Variants in PCDHGA7 observed in about 807,000 individuals in gnomAD.
PCDHGA7 encodes the protein protocadherin gamma subfamily A, 7, also known as protocadherin gamma-A7.
PCDHGA7 carries 44 observed loss-of-function variants against 58.3 expected under a neutral mutation model. That is an observed-to-expected ratio of 0.75 (90% CI 0.59 to 0.97). PCDHGA7 has a LOEUF of 0.97. Among genes scored for constraint, PCDHGA7 ranks in the 50% least tolerant of loss-of-function variants. The probability of loss-of-function intolerance (pLI) is 0.00; values close to 1 mark genes in which losing one functional copy is unlikely to be tolerated. For missense variants in PCDHGA7, 1,266 were observed against 1,188.7 expected (o/e 1.06, Z -0.96); for synonymous variants, 516 against 504.2 (o/e 1.02, Z -0.31).
chr5:141,385,137 G>A lies in PCDHGA7; in HGVS notation c.2238G>A (p.Val746=). The change falls in exon 1 of 4, where the codon GTG becomes GTA. Residue 746 remains valine (V), a synonymous_variant. Coordinates refer to ENST00000518325, the MANE Select transcript of PCDHGA7 (RefSeq NM_018920.4). ...CGCACTTTGTGGGCATGGACGGGGT[G>A]CAGGCTTTCCTGCAGACCTATTCCC... ...PTSHFVGMDG[V]QAFLQTYSHE... The A allele has an allele frequency of 6.2e-7, 1 of 1,614,232 alleles. No homozygotes were observed. Among genetic ancestry groups the A allele is most frequent in the Non-Finnish European group, 8.5e-7 (1 of 1,180,058 alleles).
intron 1 of PCDHGA7, chr5:141,423,222 G>A (rs760308436): frequency 1.2e-6 from 2 of 1,613,688 alleles, no homozygotes; most frequent in Non-Finnish European, 1.7e-6. Context: ...CCGTGGCTGT[G>A]GCCGACAGCA....
At chr5:141,496,844 T>G (rs1275272674) in intron 2 of PCDHGA7, among the ~76,000 whole-genome samples, 2 of 150,852 alleles carry the variant, frequency 1.3e-5, no homozygotes, top group Non-Finnish European at 2.9e-5. Context: ...CTCATAGGCT[T>G]CCAGACCAGC....
At position 141,431,303 on chromosome 5, in the gene PCDHGA7, G is replaced by T. The variant is rs777784010; in HGVS notation, c.2424+45980G>T. The T allele has an allele frequency of 1.2e-6, 2 of 1,614,060 alleles. No homozygotes were observed. Among genetic ancestry groups the T allele is most frequent in the Non-Finnish European group, 1.7e-6 (2 of 1,180,038 alleles). On this transcript the variant is annotated intron_variant, in intron 1 of 3. Coordinates refer to ENST00000518325, the MANE Select transcript of PCDHGA7 (RefSeq NM_018920.4). The surrounding 1 kb of genome is among the most constrained non-coding windows in gnomAD (Gnocchi z 4.8). ...CCCGAACACTCACTTCTCCCTCATC[G>T]TGCAAAATGGAGCCGACGGTAGTAA...
chr5:141,477,224 G>C lies in PCDHGA7; in HGVS notation c.2425-17583G>C. 6.2e-7 allele frequency: 1 copy of C among 1,614,200 alleles called. No individual in the cohort carries two copies. The highest frequency in any genetic ancestry group is 8.5e-7 in the Non-Finnish European group (1 of 1,180,046). Reference sequence around the variant, plus strand: ...ACCCGAGGATGCCCCTCTGGGGACTGTCATCGCTTTGCTCAGTGTGACTGA... The same window carrying C: ...ACCCGAGGATGCCCCTCTGGGGACTCTCATCGCTTTGCTCAGTGTGACTGA... On this transcript the variant is annotated intron_variant, in intron 1 of 3. Transcript: ENST00000518325. The surrounding 1 kb of genome is among the most constrained non-coding windows in gnomAD (Gnocchi z 4.9).
intron 1 of PCDHGA7, chr5:141,394,966 GC>G (rs1294759609): frequency 1.2e-6 from 2 of 1,613,886 alleles, no homozygotes; most frequent in Non-Finnish European, 1.7e-6. Context: ...AGGCTGAGGC[GC>G]TGGCACAAGT....
At chr5:141,452,792 A>AT (rs745523252) in intron 1 of PCDHGA7, among the ~76,000 whole-genome samples, 15 of 152,178 alleles carry the variant, frequency 9.9e-5, no homozygotes, top group Admixed American at 2.0e-4. Context: ...ACATACCATC[A>AT]TTTTTGCTGT....
chr5:141,432,650 G>T lies in PCDHGA7; in HGVS notation c.2424+47327G>T. 6.2e-7 allele frequency: 1 copy of T among 1,613,868 alleles called. No individual in the cohort carries two copies. The highest frequency in any genetic ancestry group is 1.1e-5 in the South Asian group (1 of 91,064). On this transcript the variant is annotated intron_variant, in intron 1 of 3. Transcript: ENST00000518325. The surrounding 1 kb of genome is among the most constrained non-coding windows in gnomAD (Gnocchi z 6.0). The stretch of plus-strand genomic sequence containing the variant: ...CACGGGCGAGGTGCGCACGGCGCGA[G>T]CCCTGCTGGACAGAGACGCGCTCAA...
At chr5:141,388,465 T>C in intron 1 of PCDHGA7, 2 of 1,613,816 alleles carry the variant, frequency 1.2e-6, no homozygotes, top group Non-Finnish European at 1.7e-6. Flanking sequence ...TACCCTGAGA[T>C]GGTATTGAAG....
chr5:141,503,812 G>C (rs2099831825), intron 2 of PCDHGA7, among the ~76,000 whole-genome samples: 1 of 152,114 alleles, frequency 6.6e-6, no homozygotes, highest in South Asian at 2.1e-4. Context: ...GGGAATCCCA[G>C]ATTGGGCAAA....
In PCDHGA7 at chr5:141,491,169, G is replaced by A. The variant is rs374498014; in HGVS notation, c.2425-3638G>A. The A allele has an allele frequency of 1.2e-6, 2 of 1,614,192 alleles. No homozygotes were observed. Among genetic ancestry groups the A allele is most frequent in the African/African-American group, 1.3e-5 (1 of 75,058 alleles). On this transcript the variant is annotated intron_variant, in intron 1 of 3. Transcript: ENST00000518325. The surrounding 1 kb of genome is among the most constrained non-coding windows in gnomAD (Gnocchi z 6.9). ...TGGAGGATGACTCTGACACCCAGCA[G>A]GTGGTGGTCCTGGTGAGGGACAATG...
At chr5:141,482,089 CAA>C (rs36035257) in intron 1 of PCDHGA7, among the ~76,000 whole-genome samples, 9,071 of 134,384 alleles carry the variant, frequency 0.068, 318 homozygotes, top group South Asian at 0.13. Context: ...CACTCCATCT[CAA>C]AAAAAAAAAA....
At chr5:141,482,755 T>TGAAGTGGGAG (rs1554165462) in intron 1 of PCDHGA7, among the ~76,000 whole-genome samples, 1 of 143,580 alleles carries the variant, frequency 7.0e-6, no homozygotes, top group South Asian at 2.1e-4. Context: ...GGGATTATGG[T>TGAAGTGGGAG]ATTTCATTAT....
Position 141,485,741 on chromosome 5 carries a change from C to A in PCDHGA7, c.2425-9066C>A. 6.2e-7 allele frequency: 1 copy of A among 1,614,180 alleles called. No homozygotes were observed. Among genetic ancestry groups the A allele is most frequent in the Non-Finnish European group, 8.5e-7 (1 of 1,179,992 alleles). On this transcript the variant is annotated intron_variant, in intron 1 of 3. Coordinates refer to ENST00000518325, the MANE Select transcript of PCDHGA7 (RefSeq NM_018920.4). This position sits in a 1 kb window ranked among gnomAD's most constrained non-coding sequence, Gnocchi z 5.7. ...TGTGAAGAAGCGCAGCGACGGCAGC[C>A]TGGTCCCAGAGCTGCTCCTGGAGAA...
At position 141,385,286 on chromosome 5, in the gene PCDHGA7, A is replaced by G; in HGVS notation, c.2387A>G (p.Asp796Gly). The change falls in exon 1 of 4, where the codon GAT becomes GGT. Residue 796 changes from aspartate (D) to glycine (G), a missense_variant. Transcript: ENST00000518325. ...EKNDSLLTSV[D>G]FQECKENLPS... ...AATGATTCTTTGCTAACATCCGTAGATTTTCAGGAATGTAAAGAAAACCTG... is the reference window on the plus strand; with the variant it reads ...AATGATTCTTTGCTAACATCCGTAGGTTTTCAGGAATGTAAAGAAAACCTG... 5 of 1,613,826 alleles carry G rather than the reference A, an allele frequency of 3.1e-6. No individual in the cohort carries two copies. The highest frequency in any genetic ancestry group is 4.2e-6 in the Non-Finnish European group (5 of 1,179,796).
chr5:141,505,570 C>A, intron 3 of PCDHGA7, 89 bp downstream of exon 3: 1 of 1,598,160 alleles, frequency 6.3e-7, no homozygotes, highest in South Asian at 1.1e-5. Context: ...GACTGGATGT[C>A]AAACCTGTGT....
At chr5:141,433,004 T>G (rs368646186) in intron 1 of PCDHGA7, 48 of 1,614,028 alleles carry the variant, frequency 3.0e-5, no homozygotes, top group Non-Finnish European at 3.4e-5. Context: ...GGTGCAGGCT[T>G]TCCTGCAGAC....
Position 141,477,413 on chromosome 5 carries a change from G to A in PCDHGA7, c.2425-17394G>A. ...CCTCAGCATCACCGCCCGAGACGCC[G>A]GAACCCCTTCCCTCTCAGCCCTTAC... On this transcript the variant is annotated intron_variant, in intron 1 of 3. Transcript: ENST00000518325. This position sits in a 1 kb window ranked among gnomAD's most constrained non-coding sequence, Gnocchi z 4.9. 1 of 1,614,080 alleles carries A rather than the reference G, an allele frequency of 6.2e-7. No individual in the cohort carries two copies. Among genetic ancestry groups the A allele is most frequent in the Non-Finnish European group, 8.5e-7 (1 of 1,180,026 alleles).
At chr5:141,498,971 G>GGAAGGAA (rs2099787559) in intron 2 of PCDHGA7, among the ~76,000 whole-genome samples, 2 of 111,052 alleles carry the variant, frequency 1.8e-5, no homozygotes, top group African/African-American at 7.2e-5. Context: ...GAGGGAGGGA[G>GGAAGGAA]GGAAGGAAGG....
intron 1 of PCDHGA7, chr5:141,410,291 G>A: frequency 1.2e-6 from 2 of 1,613,948 alleles, no homozygotes; most frequent in Non-Finnish European, 1.7e-6. Flanking sequence ...GGTGGCCTTG[G>A]CCTTAATCTC....
Sources: allele counts gnomAD v4.1 joint callset (sites outside exome capture counted in the v4.1 genomes callset), GRCh38; gene constraint gnomAD v4.1.1; non-coding constraint Gnocchi (gnomAD v3.1); transcripts MANE v1.5; gene names NCBI Gene and HGNC (gene_info 2026-07-23, HGNC 2026-07-21).